Variants in MCC observed in about 807,000 individuals in gnomAD.
MCC encodes the protein colorectal mutant cancer protein.
Under a neutral mutation model 116.2 loss-of-function variants are expected in MCC, and 90 were observed. The observed-to-expected ratio is 0.77, with a 90% confidence interval of 0.65 to 0.92. MCC has a LOEUF of 0.92. Among genes scored for constraint, MCC ranks in the 40% least tolerant of loss-of-function variants. The pLI is 0.00. For synonymous variants in MCC, 578 were observed against 510.5 expected, an observed-to-expected ratio of 1.13 and a Z score of -1.78; for missense variants, 1,516 against 1,312.2, an observed-to-expected ratio of 1.16 and a Z score of -2.40.
At chr5:113,329,698 C>G (rs921702763) in intron 3 of MCC, among the ~76,000 whole-genome samples, 1 of 152,084 alleles carries the variant, frequency 6.6e-6, no homozygotes, top group African/African-American at 2.4e-5. Context: ...AATCTACTGG[C>G]ATACTTTTTA....
At chr5:113,419,839 A>G (rs557266271) in intron 1 of MCC, among the ~76,000 whole-genome samples, 12 of 136,990 alleles carry the variant, frequency 8.8e-5, no homozygotes, top group African/African-American at 2.2e-4. Context: ...CATGGACACA[A>G]CAAGGGGAAC....
chr5:113,457,222 C>T (rs960824499), intron 1 of MCC, among the ~76,000 whole-genome samples: 1 of 152,222 alleles, frequency 6.6e-6, no homozygotes, highest in Non-Finnish European at 1.5e-5. Flanking sequence ...CTGGGCTTGG[C>T]GGGCCCCACA....
rs57086708 is a variant in MCC at position 113,171,948 on chromosome 5, C to T, written c.628-20526G>A. 6.9e-3 allele frequency among the ~76,000 whole-genome samples: 1,046 copies of T among 152,220 alleles called. 17 individuals are homozygous for T. The highest frequency in any genetic ancestry group is 0.024 in the African/African-American group (984 of 41,532). On this transcript the variant is annotated intron_variant, in intron 3 of 18. Coordinates refer to ENST00000408903, the MANE Select transcript of MCC (RefSeq NM_001085377.2). ...CATGGTTCTTAGCAAACCATCAGTG[C>T]CATGTTTTGACCAAGAAAAAGTAAA...
At chr5:113,462,082 A>G (rs458044) in intron 1 of MCC, among the ~76,000 whole-genome samples, 104,932 of 152,154 alleles carry the variant, frequency 0.69, 36,613 homozygotes, top group East Asian at 0.88. Context: ...GAAACTGAGG[A>G]GAAAAGAAAG....
intron 7 of MCC, among the ~76,000 whole-genome samples, chr5:113,103,557 C>T (rs1756558521): frequency 6.6e-6 from 1 of 152,248 alleles, no homozygotes; most frequent in Non-Finnish European, 1.5e-5. Flanking sequence ...TACCTTGTGA[C>T]ACCACAGTTC....
chr5:113,281,129 G>C (rs1438413335), intron 3 of MCC, among the ~76,000 whole-genome samples: 1 of 152,186 alleles, frequency 6.6e-6, no homozygotes, highest in African/African-American at 2.4e-5. Flanking sequence ...AAATAAAAAA[G>C]GTAGCTATAA....
At chr5:113,466,594 T>A (rs1387708765) in intron 1 of MCC, among the ~76,000 whole-genome samples, 2 of 152,082 alleles carry the variant, frequency 1.3e-5, no homozygotes, top group South Asian at 2.1e-4. Flanking sequence ...TGTTGGACAT[T>A]TAGGTTGGTT....
intron 3 of MCC, among the ~76,000 whole-genome samples, chr5:113,211,818 G>A (rs886985906): frequency 1.3e-5 from 2 of 152,172 alleles, no homozygotes; most frequent in Non-Finnish European, 2.9e-5. Context: ...ACACTTGAAT[G>A]AAGACATTTA....
intron 3 of MCC, among the ~76,000 whole-genome samples, chr5:113,160,856 T>C (rs1193459309): frequency 6.6e-6 from 1 of 152,166 alleles, no homozygotes; most frequent in African/African-American, 2.4e-5. Context: ...CTACATTCTA[T>C]GTGGGAAAGT....
chr5:113,205,638 A>G (rs774042645), intron 3 of MCC, among the ~76,000 whole-genome samples: 11 of 152,274 alleles, frequency 7.2e-5, no homozygotes, highest in Non-Finnish European at 1.5e-4. Context: ...CTATGTTTTA[A>G]AAGCATGAAT....
rs918319389 is a variant in MCC, at chr5:113,059,401, T to G, written c.2213+4583A>C. Among the ~76,000 whole-genome samples, 30 of 152,268 alleles carry G rather than the reference T, an allele frequency of 2.0e-4. 1 individual carries two copies. The Middle Eastern group carries it at 0.017, about 86-fold the overall frequency. ...GTAGGGGAGGGGAAGCCACTGGCCT[T>G]TTCTCTGGCCTCACAGACAAAGGCG... On this transcript the variant is annotated intron_variant, in intron 14 of 18. Coordinates refer to ENST00000408903, the MANE Select transcript of MCC (RefSeq NM_001085377.2).
At chr5:113,132,916 G>C (rs140608498) in intron 5 of MCC, among the ~76,000 whole-genome samples, 5 of 152,294 alleles carry the variant, frequency 3.3e-5, no homozygotes, top group African/African-American at 9.6e-5. Flanking sequence ...GCAGTCAATG[G>C]AATCATTTTT....
intron 1 of MCC, among the ~76,000 whole-genome samples, chr5:113,405,467 A>C (rs913999821): frequency 9.9e-5 from 15 of 152,172 alleles, no homozygotes; most frequent in Non-Finnish European, 1.3e-4. Context: ...TCTGCCAGGC[A>C]AGGTGGTTTG....
At chr5:113,179,715 C>T (rs1053753049) in intron 3 of MCC, among the ~76,000 whole-genome samples, 25 of 152,122 alleles carry the variant, frequency 1.6e-4, no homozygotes, top group African/African-American at 5.8e-4. Flanking sequence ...CTGTAAAATG[C>T]AACAGCCCAA....
chr5:113,051,158 A>G (rs191376126), intron 15 of MCC, among the ~76,000 whole-genome samples: 1 of 152,286 alleles, frequency 6.6e-6, no homozygotes, highest in East Asian at 1.9e-4. Flanking sequence ...CTAAACATAG[A>G]ACCACTCTGT....
In MCC at chr5:113,027,357, A is replaced by G. The variant is rs1251316438; in HGVS notation, c.3005T>C (p.Ile1002Thr). The part of the protein sequence containing the change: ...ETQVRMLKQR[I>T]ALLEEENSRP... ...GGAGTTCTCCTCCTCTAGCAGAGCT[A>G]TTCTTTGCTTGAGCATCCTCACTTG... Residue 1002 changes from isoleucine (I) to threonine (T), a missense_variant, in exon 19 of 19, where the codon ATA (isoleucine) becomes ACA (threonine). Coordinates refer to ENST00000408903, the MANE Select transcript of MCC (RefSeq NM_001085377.2). 3.1e-6 allele frequency: 5 copies of G among 1,614,020 alleles called. No homozygotes were observed. The highest frequency in any genetic ancestry group is 1.1e-5 in the South Asian group (1 of 91,088).
chr5:113,185,332 C>G (rs970276070), intron 3 of MCC, among the ~76,000 whole-genome samples: 1 of 152,078 alleles, frequency 6.6e-6, no homozygotes, highest in African/African-American at 2.4e-5. Flanking sequence ...CTCTATGGAC[C>G]TGAAAACTGC....
At chr5:113,063,102 C>A (rs60681208) in intron 14 of MCC, among the ~76,000 whole-genome samples, 6,835 of 152,266 alleles carry the variant, frequency 0.045, 438 homozygotes, top group African/African-American at 0.14. Flanking sequence ...ATCTCTGAGC[C>A]AAGGTTTCCT....
At chr5:113,132,384 ATACATATATATATACATAC>A (rs1758488784) in intron 5 of MCC, among the ~76,000 whole-genome samples, 4 of 127,732 alleles carry the variant, frequency 3.1e-5, no homozygotes, top group Non-Finnish European at 5.1e-5. Context: ...ATATATATAC[ATACATATATATATACATAC>A]ATACATATAT....
Sources: allele counts gnomAD v4.1 joint callset (sites outside exome capture counted in the v4.1 genomes callset), GRCh38; gene constraint gnomAD v4.1.1; transcripts MANE v1.5; gene names NCBI Gene and HGNC (gene_info 2026-07-23, HGNC 2026-07-21).